Variants in SACS observed in about 807,000 individuals in gnomAD.
SACS encodes sacsin molecular chaperone, also known as sacsin.
Under a neutral mutation model 348.0 loss-of-function variants are expected in SACS, and 197 were observed. The ratio of observed to expected loss-of-function variants is 0.57; its 90% CI spans 0.50 to 0.64. The LOEUF is 0.64. Ranked by LOEUF, SACS falls within the 30% of genes least tolerant of loss-of-function variation. The pLI, the probability that SACS is intolerant of heterozygous loss-of-function variation, is 0.00. For synonymous variants in SACS, 1,985 were observed against 1,910.6 expected (o/e 1.04, Z -1.02); for missense variants, 4,999 against 5,360.8 (o/e 0.93, Z 2.11).
chr13:23,337,425 A>C lies in SACS; in HGVS notation c.6451T>G (p.Leu2151Val), dbSNP rs886050084. ...NPIILIKLVQ[L>V]GMAKDDILWD... Reference sequence around the variant, plus strand: ...AAAATATCATCTTTTGCCATACCTAACTGAACTAGTTTAATCAAAATAATA... The same window carrying C: ...AAAATATCATCTTTTGCCATACCTACCTGAACTAGTTTAATCAAAATAATA... The change falls in exon 10 of 10, where the codon TTA becomes GTA. Residue 2151 changes from leucine to valine, a missense_variant. This residue lies in a region of SACS where 3,156 missense variants were observed against 3,380.1 expected (regional missense o/e 0.93). Coordinates refer to ENST00000382292, the MANE Select transcript of SACS (RefSeq NM_014363.6). 10 of 1,612,704 alleles carry C rather than the reference A, an allele frequency of 6.2e-6. No homozygotes were observed. Among genetic ancestry groups the C allele is most frequent in the Non-Finnish European group, 6.8e-6 (8 of 1,179,360 alleles).
rs1175897856 is a variant in SACS at position 23,409,040 on chromosome 13, C to CTTTTTT, written c.20+2174_20+2179dup. 2.8e-4 allele frequency among the ~76,000 whole-genome samples: 10 copies of CTTTTTT among 35,144 alleles called. 3 individuals are homozygous for CTTTTTT. The highest frequency in any genetic ancestry group is 8.0e-4 in the African/African-American group (7 of 8,724). The allele number at this position is 35,144 out of a possible 152,430, so 23.1% of individuals were successfully genotyped here. ...TATGGTCTTAATAAAACAAGTTTTA[C>CTTTTTT]TTTTTTTTTTTTTTTTTTTTTTTTT... On this transcript the variant is annotated intron_variant, in intron 2 of 9. Coordinates refer to ENST00000382292, the MANE Select transcript of SACS (RefSeq NM_014363.6).
intron 2 of SACS, among the ~76,000 whole-genome samples, chr13:23,396,389 A>C (rs1024323535): frequency 1.3e-5 from 2 of 151,976 alleles, no homozygotes; most frequent in African/African-American, 4.8e-5. Flanking sequence ...CCAGATACCA[A>C]CCCAAATGTT....
chr13:23,340,056 T>G lies in SACS; in HGVS notation c.3820A>C (p.Lys1274Gln). The G allele has an allele frequency of 6.2e-7, 1 of 1,614,038 alleles. No homozygotes were observed. Among genetic ancestry groups the G allele is most frequent in the Non-Finnish European group, 8.5e-7 (1 of 1,179,994 alleles). ...TTGCCAGTCCAAACCCATGGAAATTTTAAGGCTCTAAAAGAATCTTTCCCT... is the reference window on the plus strand; with the variant it reads ...TTGCCAGTCCAAACCCATGGAAATTGTAAGGCTCTAAAAGAATCTTTCCCT... The part of the protein sequence containing the change: ...NEGKDSFRAL[K>Q]FPWVWTGKKF... Residue 1274 changes from lysine to glutamine, a missense_variant, in exon 10 of 10, where the codon AAA (lysine) becomes CAA (glutamine). Physicochemically the swap from Lys to Gln is moderately conservative, Grantham distance 53. This residue lies in a region of SACS where 3,156 missense variants were observed against 3,380.1 expected (regional missense o/e 0.93). Transcript: ENST00000382292.
chr13:23,375,562 C>T, intron 2 of SACS: 2 of 1,038,294 alleles, frequency 1.9e-6, no homozygotes, highest in Non-Finnish European at 2.3e-6. Context: ...GGGGACTGCG[C>T]GCTCCCGGCC....
intron 1 of SACS, among the ~76,000 whole-genome samples, chr13:23,420,899 A>G (rs1873911857): frequency 1.3e-5 from 2 of 151,776 alleles, no homozygotes; most frequent in Non-Finnish European, 2.9e-5. Context: ...TTGACCAGGG[A>G]CCTGGGTATT....
chr13:23,408,361 T>C (rs1187976458), intron 2 of SACS, among the ~76,000 whole-genome samples: 1 of 152,194 alleles, frequency 6.6e-6, no homozygotes, highest in East Asian at 1.9e-4. Context: ...AACATCTTCC[T>C]GAAAGCAATG....
At chr13:23,394,459 T>C (rs966549834) in intron 2 of SACS, among the ~76,000 whole-genome samples, 4 of 152,194 alleles carry the variant, frequency 2.6e-5, no homozygotes, top group African/African-American at 9.7e-5. Context: ...CTCACCCCCA[T>C]TGTGTAGCAA....
chr13:23,401,474 T>C (rs764520131), intron 2 of SACS, among the ~76,000 whole-genome samples: 40 of 152,242 alleles, frequency 2.6e-4, no homozygotes, highest in Non-Finnish European at 5.4e-4. Context: ...GGATGTCTCA[T>C]GTCTCCCTTA....
chr13:23,413,556 T>C (rs148655635), intron 1 of SACS, among the ~76,000 whole-genome samples: 1 of 152,264 alleles, frequency 6.6e-6, no homozygotes, highest in African/African-American at 2.4e-5. Context: ...TATGCAACAA[T>C]GTTTCATTGT....
chr13:23,412,603 G>A (rs1177967708), intron 1 of SACS, among the ~76,000 whole-genome samples: 1 of 151,882 alleles, frequency 6.6e-6, no homozygotes, highest in Admixed American at 6.6e-5. Context: ...TAGTGGAGAT[G>A]GGGTTTTGCC....
At chr13:23,380,850 T>C (rs1872024757) in intron 2 of SACS, among the ~76,000 whole-genome samples, 1 of 152,186 alleles carries the variant, frequency 6.6e-6, no homozygotes, top group African/African-American at 2.4e-5. Flanking sequence ...CGAGGGGACA[T>C]GCTATACTCT....
chr13:23,383,606 G>C (rs1414221900), intron 2 of SACS, among the ~76,000 whole-genome samples: 1 of 151,778 alleles, frequency 6.6e-6, no homozygotes, highest in East Asian at 1.9e-4. Flanking sequence ...GCAGCATCTG[G>C]CTCCTCCCTC....
intron 6 of SACS, 64 bp downstream of exon 6, chr13:23,365,102 T>C (rs931635472): frequency 2.0e-6 from 2 of 1,009,760 alleles, no homozygotes; most frequent in African/African-American, 1.6e-5. Context: ...CAAAGCATTA[T>C]TAATCATTAA....
At chr13:23,346,815 A>G in intron 9 of SACS, 11 of 984,322 alleles carry the variant, frequency 1.1e-5, no homozygotes, top group Non-Finnish European at 1.3e-5. Flanking sequence ...TCCTACCTGA[A>G]TATCCCCAGA....
Position 23,384,474 on chromosome 13 carries a change from A to G in SACS, c.21-9205T>C, listed in dbSNP as rs79329603. On this transcript the variant is annotated intron_variant, in intron 2 of 9. Coordinates refer to ENST00000382292, the MANE Select transcript of SACS (RefSeq NM_014363.6). ...TGTACAAATTTAAATTAGGGGAAGA[A>G]AAGGAAGTCCTTCTTAACTTTTCTG... 9.0e-3 allele frequency among the ~76,000 whole-genome samples: 1,369 copies of G among 152,384 alleles called. 29 individuals carry two copies. The highest frequency in any genetic ancestry group is 0.031 in the African/African-American group (1,297 of 41,592).
chr13:23,402,029 T>C (rs1451536424), intron 2 of SACS, among the ~76,000 whole-genome samples: 1 of 152,036 alleles, frequency 6.6e-6, no homozygotes, highest in Non-Finnish European at 1.5e-5. Context: ...ACACAAAAAA[T>C]TAGCCAGGTG....
chr13:23,421,563 G>T (rs187507530), intron 1 of SACS, among the ~76,000 whole-genome samples: 4 of 152,096 alleles, frequency 2.6e-5, no homozygotes, highest in African/African-American at 9.6e-5. Flanking sequence ...CTGAGTCCTC[G>T]GTATCCTCTG....
Position 23,333,980 on chromosome 13 carries a change from T to G in SACS, c.9896A>C (p.Asp3299Ala). The change falls in exon 10 of 10, where the codon GAT becomes GCT. Residue 3299 changes from aspartate to alanine, a missense_variant. Transcript: ENST00000382292. ...CATAAGGCTGAGAGGAAGCAGAACA[T>G]CTCCTTCAGGAACCACAAGCTGGTT... ...SANQLVVPEGDVLLPLSLMHI... is the reference protein window; with the variant it reads ...SANQLVVPEGAVLLPLSLMHI... 1 of 1,613,890 alleles carries G rather than the reference T, an allele frequency of 6.2e-7. No homozygotes were observed. Among genetic ancestry groups the G allele is most frequent in the Non-Finnish European group, 8.5e-7 (1 of 1,179,844 alleles).
At position 23,330,451 on chromosome 13, in the gene SACS, A is replaced by T; in HGVS notation, c.13425T>A (p.Phe4475Leu). Residue 4475 changes from phenylalanine to leucine, a missense_variant, in exon 10 of 10, where the codon TTT becomes TTA. This residue lies in a region of SACS where 254 missense variants were observed against 275.1 expected (regional missense o/e 0.92). Transcript: ENST00000382292. ...CTAACTTGGTAGAAAGGTAACATTT[A>T]AAGCACACCCACTCATTGGCATTTT... ...LHKNANEWVC[F>L]KCYLSTKLAL... is the part of the protein sequence containing the mutation. 1 of 1,614,218 alleles carries T rather than the reference A, an allele frequency of 6.2e-7. No homozygotes were observed. The highest frequency in any genetic ancestry group is 8.5e-7 in the Non-Finnish European group (1 of 1,180,036).
Sources: allele counts gnomAD v4.1 joint callset (sites outside exome capture counted in the v4.1 genomes callset), GRCh38; gene constraint gnomAD v4.1.1; regional missense constraint gnomAD v4.1.1; transcripts MANE v1.5; gene names NCBI Gene and HGNC (gene_info 2026-07-23, HGNC 2026-07-21).